Variants in CLIC4 observed in about 807,000 individuals in gnomAD.
CLIC4 encodes chloride intracellular channel protein 4.
CLIC4 carries 13 observed loss-of-function variants against 24.6 expected under a neutral mutation model. The ratio of observed to expected loss-of-function variants is 0.53; its 90% CI spans 0.34 to 0.84. The LOEUF (loss-of-function observed/expected upper bound fraction) is 0.84, where lower values mean the gene tolerates loss of function less well. Ranked by LOEUF, CLIC4 falls within the 40% of genes least tolerant of loss-of-function variation. CLIC4 has a pLI of 0.01. For missense variants in CLIC4, 227 were observed against 301.7 expected (o/e 0.75, Z 1.83); for synonymous variants, 104 against 111.3 (o/e 0.93, Z 0.41).
intron 4 of CLIC4, among the ~76,000 whole-genome samples, chr1:24,836,768 T>G (rs1046353577): frequency 6.6e-6 from 1 of 152,012 alleles, no homozygotes; most frequent in Non-Finnish European, 1.5e-5. Context: ...AGCCCAGGAG[T>G]TCGAGGTTGC....
chr1:24,792,393 G>A (rs763178608), intron 1 of CLIC4, among the ~76,000 whole-genome samples: 1 of 152,002 alleles, frequency 6.6e-6, no homozygotes, highest in African/African-American at 2.4e-5. Context: ...GGTATTGCTC[G>A]GTTGCCCAGG....
intron 2 of CLIC4, among the ~76,000 whole-genome samples, chr1:24,803,365 CTA>C (rs933234459): frequency 5.5e-4 from 84 of 152,230 alleles, no homozygotes; most frequent in African/African-American, 1.7e-3. Context: ...GCAGCTCACT[CTA>C]TGATTTGAAA....
rs1318772309 is a variant in CLIC4 at position 24,843,118 on chromosome 1, C to T, written c.*2181C>T. ...CCAGTGATTACACCTGGCCATCCCTCTAAATGTTCTAGGAAGGCATGTCTA... is the reference window on the plus strand; with the variant it reads ...CCAGTGATTACACCTGGCCATCCCTTTAAATGTTCTAGGAAGGCATGTCTA... On this transcript the variant is annotated 3_prime_UTR_variant, in exon 6 of 6. Transcript: ENST00000374379. 2.6e-5 allele frequency: 4 copies of T among 152,162 alleles called. No individual in the cohort carries two copies. Among genetic ancestry groups the T allele is most frequent in the Non-Finnish European group, 4.4e-5 (3 of 68,002 alleles). 9.4% of individuals were successfully genotyped at this position (152,162 alleles called of 1,614,324 possible).
At chr1:24,803,327 A>T (rs1639510641) in intron 2 of CLIC4, among the ~76,000 whole-genome samples, 1 of 152,216 alleles carries the variant, frequency 6.6e-6, no homozygotes, top group East Asian at 1.9e-4. Context: ...CCAGTGGAGA[A>T]CAATAGAACT....
intron 4 of CLIC4, 78 bp downstream of exon 4, chr1:24,827,194 T>TA: frequency 1.1e-6 from 1 of 902,042 alleles, no homozygotes; most frequent in Admixed American, 2.2e-5. Flanking sequence ...ACAGTGATTA[T>TA]AAATGAGTAC....
chr1:24,796,890 T>G (rs2124130721), intron 1 of CLIC4, among the ~76,000 whole-genome samples: 2 of 152,310 alleles, frequency 1.3e-5, no homozygotes, highest in Non-Finnish European at 2.9e-5. Context: ...ATCGCCATCA[T>G]GCATTAAATT....
At chr1:24,836,829 AC>A (rs1375879782) in intron 4 of CLIC4, among the ~76,000 whole-genome samples, 1 of 152,212 alleles carries the variant, frequency 6.6e-6, no homozygotes, top group Non-Finnish European at 1.5e-5. Flanking sequence ...TAGGAGTGAA[AC>A]CTTGTCTCAA....
chr1:24,772,672 G>C (rs550987310), intron 1 of CLIC4, among the ~76,000 whole-genome samples: 1 of 152,248 alleles, frequency 6.6e-6, no homozygotes, highest in African/African-American at 2.4e-5. Flanking sequence ...TATTAGTAGA[G>C]ACGGGGTTTC....
At chr1:24,761,493 G>T (rs546267820) in intron 1 of CLIC4, among the ~76,000 whole-genome samples, 1 of 152,254 alleles carries the variant, frequency 6.6e-6, no homozygotes, top group East Asian at 1.9e-4. Flanking sequence ...GAAATAATCA[G>T]TTAAGGGTGT....
At chr1:24,806,152 A>G (rs1256874591) in intron 2 of CLIC4, among the ~76,000 whole-genome samples, 1 of 152,240 alleles carries the variant, frequency 6.6e-6, no homozygotes, top group Non-Finnish European at 1.5e-5. Flanking sequence ...AGATGTCTTG[A>G]AATTTTTTGC....
At chr1:24,765,654 C>T (rs946725122) in intron 1 of CLIC4, among the ~76,000 whole-genome samples, 6 of 152,170 alleles carry the variant, frequency 3.9e-5, no homozygotes, top group Non-Finnish European at 8.8e-5. Flanking sequence ...GCAGGAACCC[C>T]TGTGTTAGAT....
chr1:24,795,153 A>G (rs751136965), intron 1 of CLIC4, among the ~76,000 whole-genome samples: 2 of 152,152 alleles, frequency 1.3e-5, no homozygotes, highest in Non-Finnish European at 2.9e-5. Context: ...CTGTATAACA[A>G]ACCTGCACAT....
At chr1:24,758,511 G>A (rs1638880186) in intron 1 of CLIC4, among the ~76,000 whole-genome samples, 1 of 151,860 alleles carries the variant, frequency 6.6e-6, no homozygotes, top group African/African-American at 2.4e-5. Context: ...AGGCTGGGGT[G>A]CACTGGTGCG....
In CLIC4 at chr1:24,822,388, G is replaced by A. The variant is rs1176145400; in HGVS notation, c.309-4622G>A. On this transcript the variant is annotated intron_variant, in intron 3 of 5. Transcript: ENST00000374379. ...TTTTGAGGCAGAGCCTTGCTGTGTCGCCCAGGCTGGAGTGCAGTGGCAGCA... is the reference window on the plus strand; with the variant it reads ...TTTTGAGGCAGAGCCTTGCTGTGTCACCCAGGCTGGAGTGCAGTGGCAGCA... Among the ~76,000 whole-genome samples, 6 of 122,694 alleles carry A rather than the reference G, an allele frequency of 4.9e-5. No homozygotes were observed. The Admixed American group carries it at 5.6e-4, about 11-fold the overall frequency. The allele number at this position is 122,694 out of a possible 152,430, so 80.5% of individuals were successfully genotyped here. A position where few individuals can be genotyped will look rare whatever the true frequency, so the allele number is the denominator to read the frequency against.
intron 1 of CLIC4, among the ~76,000 whole-genome samples, chr1:24,748,522 T>A (rs868186456): frequency 6.8e-6 from 1 of 146,128 alleles, no homozygotes; most frequent in East Asian, 2.0e-4. Flanking sequence ...TTTTTTTTTT[T>A]AATGAGATGG....
intron 3 of CLIC4, 78 bp from the exon 4 acceptor site, chr1:24,826,932 G>A: frequency 1.1e-6 from 1 of 905,054 alleles, no homozygotes; most frequent in Admixed American, 2.4e-5. Context: ...TCTAGTAACT[G>A]CTAGCATGGT....
chr1:24,827,170 A>C, intron 4 of CLIC4, 54 bp downstream of exon 4: 1 of 1,073,948 alleles, frequency 9.3e-7, no homozygotes, highest in Non-Finnish European at 1.4e-6. Flanking sequence ...AAACAACAAC[A>C]GGCTGTTATT....
chr1:24,785,116 T>C (rs1248508197), intron 1 of CLIC4, among the ~76,000 whole-genome samples: 1 of 150,668 alleles, frequency 6.6e-6, no homozygotes, highest in African/African-American at 2.4e-5. Flanking sequence ...CGGGTCGTAA[T>C]CTATGTCAGT....
At chr1:24,837,947 T>G (rs1399852394) in intron 4 of CLIC4, among the ~76,000 whole-genome samples, 1 of 152,218 alleles carries the variant, frequency 6.6e-6, no homozygotes, top group Non-Finnish European at 1.5e-5. Context: ...CGGTGTTCAT[T>G]TATGTTCTCA....
Sources: allele counts gnomAD v4.1 joint callset (sites outside exome capture counted in the v4.1 genomes callset), GRCh38; gene constraint gnomAD v4.1.1; transcripts MANE v1.5; gene names NCBI Gene and HGNC (gene_info 2026-07-23, HGNC 2026-07-21).